CDKN2B-AS1: variants seen among roughly 807,000 people sequenced by gnomAD.
CDKN2B-AS1 encodes the protein CDKN2B antisense RNA 1 (non-protein coding).
intron 4 of CDKN2B-AS1, chr9:22,096,341 A>T (rs1177053950): frequency 2.0e-5 from 3 of 152,218 alleles, no homozygotes; most frequent in South Asian, 4.1e-4. Context: ...CCATTCGTTC[A>T]TTCCTGACTA....
At chr9:22,050,776 T>G (rs537600319) in intron 3 of CDKN2B-AS1, among the ~76,000 whole-genome samples, 1 of 152,330 alleles carries the variant, frequency 6.6e-6, no homozygotes, top group Non-Finnish European at 1.5e-5. Context: ...TGCTAACTCA[T>G]GCTTCTTGCC....
At chr9:22,012,147 A>T (rs542162599) in intron 1 of CDKN2B-AS1, 2 of 1,221,296 alleles carry the variant, frequency 1.6e-6, no homozygotes, top group Non-Finnish European at 2.4e-6. Context: ...CGAGCTGCAG[A>T]CACAGAGATG....
chr9:22,098,654 C>G (rs1007616299), intron 4 of CDKN2B-AS1, among the ~76,000 whole-genome samples: 5 of 152,128 alleles, frequency 3.3e-5, no homozygotes, highest in Admixed American at 6.6e-5. Context: ...GACACTTTCT[C>G]TCATTGAGTC....
At chr9:22,127,241 C>G (rs536125978) in exon 5 of CDKN2B-AS1, among the ~76,000 whole-genome samples, 2 of 152,180 alleles carry the variant, frequency 1.3e-5, no homozygotes, top group African/African-American at 4.8e-5. Flanking sequence ...GCCACCACGC[C>G]CAGCTAATTT....
chr9:21,999,397 A>G lies in CDKN2B-AS1; in HGVS notation n.29+4236A>G, dbSNP rs1425423067. 2.0e-5 allele frequency among the ~76,000 whole-genome samples: 3 copies of G among 151,756 alleles called. No individual in the cohort carries two copies. The highest frequency in any genetic ancestry group is 2.9e-5 in the Non-Finnish European group (2 of 67,876). The stretch of plus-strand genomic sequence containing the variant: ...CCTTTGACTCAGCAATTCTATTCCT[A>G]TAACTCATGTATGTAACATATATAA... On this transcript the variant is annotated intron_variant and non_coding_transcript_variant, in intron 1 of 4. Transcript: ENST00000650946. The surrounding 1 kb of genome is among the most constrained non-coding windows in gnomAD (Gnocchi z 4.7).
intron 1 of CDKN2B-AS1, chr9:22,012,635 A>G (rs898575837): frequency 3.6e-5 from 14 of 384,716 alleles, no homozygotes; most frequent in Non-Finnish European, 4.9e-5. Flanking sequence ...AAAAAAAAGT[A>G]TGAATAGAAC....
chr9:22,018,619 G>T (rs961576258), intron 1 of CDKN2B-AS1, among the ~76,000 whole-genome samples: 1 of 152,146 alleles, frequency 6.6e-6, no homozygotes, highest in Non-Finnish European at 1.5e-5. Context: ...GGCCACTGCC[G>T]TCCAGCCTGG....
chr9:22,025,591 T>C (rs1021651039), intron 1 of CDKN2B-AS1, among the ~76,000 whole-genome samples: 1 of 152,142 alleles, frequency 6.6e-6, no homozygotes, highest in Non-Finnish European at 1.5e-5. Context: ...GCTGCTGTAG[T>C]ATGCTGGGGG....
chr9:22,116,907 A>C (rs1014973316), intron 4 of CDKN2B-AS1, among the ~76,000 whole-genome samples: 4 of 152,256 alleles, frequency 2.6e-5, no homozygotes, highest in African/African-American at 9.6e-5. Context: ...TATTATGACT[A>C]CAGATGTACA....
intron 4 of CDKN2B-AS1, among the ~76,000 whole-genome samples, chr9:22,114,570 G>C (rs1451719482): frequency 6.6e-6 from 1 of 152,174 alleles, no homozygotes; most frequent in Non-Finnish European, 1.5e-5. Flanking sequence ...TGACAAAGCT[G>C]ATTAGGAGTA....
chr9:22,083,200 C>T (rs1824757779), intron 4 of CDKN2B-AS1, among the ~76,000 whole-genome samples: 1 of 152,134 alleles, frequency 6.6e-6, no homozygotes, highest in Admixed American at 6.6e-5. Context: ...CAGAGATGAA[C>T]TAACTTGCTC....
chr9:22,008,931 A>C (rs1563916966), intron 1 of CDKN2B-AS1: 3 of 1,612,954 alleles, frequency 1.9e-6, no homozygotes, highest in Non-Finnish European at 2.5e-6. Context: ...CCCACTGGGC[A>C]TGCCCTTGTT....
chr9:22,055,185 GGAATGTTTTGA>G (rs1246860922), intron 3 of CDKN2B-AS1, among the ~76,000 whole-genome samples: 1 of 152,088 alleles, frequency 6.6e-6, no homozygotes, highest in Non-Finnish European at 1.5e-5. Context: ...TGTGTACAGT[GGAATGTTTTGA>G]TATATGTATA....
chr9:22,076,463 A>G (rs1824496460), intron 4 of CDKN2B-AS1, among the ~76,000 whole-genome samples: 1 of 152,222 alleles, frequency 6.6e-6, no homozygotes, highest in Non-Finnish European at 1.5e-5. Context: ...CCACATTACA[A>G]AAGTAAAAAG....
Position 22,001,739 on chromosome 9 carries a change from A to G in CDKN2B-AS1, n.29+6578A>G, listed in dbSNP as rs1238568642. Among the ~76,000 whole-genome samples, 2 of 152,142 alleles carry G rather than the reference A, an allele frequency of 1.3e-5. No individual in the cohort carries two copies. Among genetic ancestry groups the G allele is most frequent in the African/African-American group, 2.4e-5 (1 of 41,450 alleles). On this transcript the variant is annotated intron_variant and non_coding_transcript_variant, in intron 1 of 4. Transcript: ENST00000650946. The surrounding 1 kb of genome is among the most constrained non-coding windows in gnomAD (Gnocchi z 4.2). ...GAGTAGGGAATTTAAGAGGCAAGAAAGGAGTAATTTCATTTGGATAGCTGA... is the reference window on the plus strand; with the variant it reads ...GAGTAGGGAATTTAAGAGGCAAGAAGGGAGTAATTTCATTTGGATAGCTGA...
chr9:22,011,065 G>T (rs182567702), intron 1 of CDKN2B-AS1, among the ~76,000 whole-genome samples: 1 of 152,274 alleles, frequency 6.6e-6, no homozygotes, highest in Admixed American at 6.5e-5. Flanking sequence ...AACAACTTTG[G>T]GTAGGGAAAA....
At chr9:22,050,777 G>A (rs75557657) in intron 3 of CDKN2B-AS1, among the ~76,000 whole-genome samples, 129 of 152,288 alleles carry the variant, frequency 8.5e-4, no homozygotes, top group Admixed American at 2.2e-3. Context: ...GCTAACTCAT[G>A]CTTCTTGCCA....
intron 4 of CDKN2B-AS1, among the ~76,000 whole-genome samples, chr9:22,113,216 C>G (rs1321275475): frequency 6.6e-6 from 1 of 152,134 alleles, no homozygotes; most frequent in Non-Finnish European, 1.5e-5. Flanking sequence ...CAAGCTGGAG[C>G]CTGTGTCCCT....
At position 21,999,464 on chromosome 9, in the gene CDKN2B-AS1, G is replaced by A. The variant is rs1035322433; in HGVS notation, n.29+4303G>A. On this transcript the variant is annotated intron_variant and non_coding_transcript_variant, in intron 1 of 4. Transcript: ENST00000650946. This position sits in a 1 kb window ranked among gnomAD's most constrained non-coding sequence, Gnocchi z 4.7. ...CACATATGTACACACATATCTGTAA[G>A]TATGGGAAGATGTATACACATGTAC... Among the ~76,000 whole-genome samples, 31 of 151,658 alleles carry A rather than the reference G, an allele frequency of 2.0e-4. No homozygotes were observed. The highest frequency in any genetic ancestry group is 8.8e-5 in the Non-Finnish European group (6 of 67,918).
Sources: allele counts gnomAD v4.1 joint callset (sites outside exome capture counted in the v4.1 genomes callset), GRCh38; gene constraint gnomAD v4.1.1; non-coding constraint Gnocchi (gnomAD v3.1); transcripts MANE v1.5; gene names NCBI Gene and HGNC (gene_info 2026-07-23, HGNC 2026-07-21).